Variants in DIAPH2 observed in about 807,000 individuals in gnomAD.
DIAPH2 encodes the protein protein diaphanous homolog 2.
Under a neutral mutation model 92.7 loss-of-function variants are expected in DIAPH2, and 35 were observed. That is an observed-to-expected ratio of 0.38 (90% confidence interval 0.29 to 0.50). The LOEUF (loss-of-function observed/expected upper bound fraction) is 0.50, where lower values mean the gene tolerates loss of function less well. Ranked by LOEUF, DIAPH2 falls within the 20% of genes least tolerant of loss-of-function variation. DIAPH2 has a pLI of 0.94. For missense variants in DIAPH2, 701 were observed against 819.5 expected, an observed-to-expected ratio of 0.86 and a Z score of 1.77; for synonymous variants, 301 against 280.4, an observed-to-expected ratio of 1.07 and a Z score of -0.73.
chrX:96,758,503 A>G (rs779652133), intron 4 of DIAPH2, among the ~76,000 whole-genome samples: 1 of 112,030 alleles, frequency 8.9e-6, no homozygotes, highest in South Asian at 3.7e-4. Flanking sequence ...GAGGTAATCC[A>G]GTCCAGTCCT....
At chrX:96,854,641 A>ATATATATATC (rs2065028439) in intron 4 of DIAPH2, among the ~76,000 whole-genome samples, 1 of 77,710 alleles carries the variant, frequency 1.3e-5, no homozygotes, top group African/African-American at 4.9e-5. Context: ...ATATATATAT[A>ATATATATATC]TCCATCTGAT....
chrX:96,750,118 C>T (rs1005501918), intron 3 of DIAPH2, among the ~76,000 whole-genome samples: 15 of 93,356 alleles, frequency 1.6e-4, no homozygotes, highest in Non-Finnish European at 2.7e-4. Flanking sequence ...AGTGCAGCTG[C>T]GCGATCTCTG....
chrX:97,603,047 C>G lies in DIAPH2; in HGVS notation c.*3730C>G, dbSNP rs779993863. On this transcript the variant is annotated 3_prime_UTR_variant, in exon 27 of 27. Coordinates refer to ENST00000324765, the MANE Select transcript of DIAPH2 (RefSeq NM_006729.5). Reference sequence around the variant, plus strand: ...AGTCAAATAAATCCACAAGTTAATGCCTAACCTCTTCAGCACTAGCCAAAG... The same window carrying G: ...AGTCAAATAAATCCACAAGTTAATGGCTAACCTCTTCAGCACTAGCCAAAG... The G allele has an allele frequency of 1.8e-5, 2 of 110,929 alleles. No homozygotes were observed. The highest frequency in any genetic ancestry group is 1.9e-4 in the Admixed American group (2 of 10,421). The allele number at this position is 110,929 out of a possible 1,213,427, so 9.1% of individuals were successfully genotyped here.
At chrX:97,393,742 CT>C (rs1485669511) in intron 25 of DIAPH2, among the ~76,000 whole-genome samples, 35 of 111,967 alleles carry the variant, frequency 3.1e-4, no homozygotes, top group African/African-American at 1.1e-3. Context: ...AGCAAATTAA[CT>C]GCAAAATCTT....
At chrX:97,324,841 C>T (rs765627319) in intron 23 of DIAPH2, among the ~76,000 whole-genome samples, 4 of 110,798 alleles carry the variant, frequency 3.6e-5, no homozygotes, top group Non-Finnish European at 5.7e-5. Flanking sequence ...TGCTCTATCG[C>T]CCAGGCTGGA....
intron 26 of DIAPH2, among the ~76,000 whole-genome samples, chrX:97,433,204 A>AT (rs200477375): frequency 8.2e-5 from 9 of 109,505 alleles, no homozygotes; most frequent in African/African-American, 1.3e-4. Flanking sequence ...AATTGAAAAT[A>AT]TTTTTTTTTA....
intron 24 of DIAPH2, among the ~76,000 whole-genome samples, chrX:97,367,744 C>T (rs1357266991): frequency 3.8e-5 from 4 of 106,322 alleles, no homozygotes; most frequent in African/African-American, 1.4e-4. Flanking sequence ...CTCTTGTTGC[C>T]CAGGCTGGAG....
At chrX:97,293,605 T>A (rs1045749713) in intron 23 of DIAPH2, among the ~76,000 whole-genome samples, 5 of 111,947 alleles carry the variant, frequency 4.5e-5, no homozygotes, top group African/African-American at 1.6e-4. Flanking sequence ...GGGATTTAGA[T>A]ATTTGAAGGC....
chrX:97,251,686 G>A (rs941086692), intron 23 of DIAPH2, among the ~76,000 whole-genome samples: 1 of 111,785 alleles, frequency 8.9e-6, no homozygotes, highest in African/African-American at 3.2e-5. Context: ...GCCTCCCAAA[G>A]TGCTGGGATT....
intron 9 of DIAPH2, among the ~76,000 whole-genome samples, chrX:96,926,385 C>A (rs1365377688): frequency 9.0e-6 from 1 of 111,475 alleles, no homozygotes; most frequent in African/African-American, 3.3e-5. Context: ...CATTCACTTA[C>A]TATATTTTAA....
chrX:96,980,128 C>T (rs763941786), intron 17 of DIAPH2, among the ~76,000 whole-genome samples: 8 of 111,676 alleles, frequency 7.2e-5, no homozygotes, highest in South Asian at 3.8e-4. Context: ...GGACCCTGTT[C>T]CTTTTCACGA....
At chrX:97,450,054 G>A (rs1047956318) in intron 26 of DIAPH2, among the ~76,000 whole-genome samples, 1 of 110,330 alleles carries the variant, frequency 9.1e-6, no homozygotes, top group African/African-American at 3.3e-5. Flanking sequence ...TCTAGATGAA[G>A]GGTAGTAAAT....
intron 26 of DIAPH2, among the ~76,000 whole-genome samples, chrX:97,487,215 A>C (rs773285238): frequency 2.7e-5 from 3 of 112,379 alleles, no homozygotes; most frequent in Non-Finnish European, 5.6e-5. Flanking sequence ...TGTTGTGAAT[A>C]ATGCTGCAGT....
chrX:96,762,640 G>A (rs946298425), intron 4 of DIAPH2, among the ~76,000 whole-genome samples: 34 of 109,956 alleles, frequency 3.1e-4, no homozygotes, highest in African/African-American at 1.1e-3. Flanking sequence ...CCATAAGAAG[G>A]TGTACTATTT....
At chrX:97,162,877 C>T (rs1286028970) in intron 22 of DIAPH2, among the ~76,000 whole-genome samples, 1 of 110,922 alleles carries the variant, frequency 9.0e-6, no homozygotes, top group Non-Finnish European at 1.9e-5. Context: ...CCCTTTCTTT[C>T]TTCATTTCTT....
intron 22 of DIAPH2, among the ~76,000 whole-genome samples, chrX:97,188,355 T>C (rs5967123): frequency 0.09 from 9,939 of 110,677 alleles, 1,016 homozygotes; most frequent in African/African-American, 0.29. Context: ...AGATATTTCA[T>C]AGAAGAGGTT....
chrX:96,818,307 C>T (rs2064754399), intron 4 of DIAPH2, among the ~76,000 whole-genome samples: 1 of 110,086 alleles, frequency 9.1e-6, no homozygotes, highest in Admixed American at 9.7e-5. Flanking sequence ...CCCAGCATTT[C>T]TTAAATCTCT....
In DIAPH2 at chrX:97,601,511, T is replaced by C. The variant is rs2071595997; in HGVS notation, c.*2194T>C. 9.0e-6 allele frequency: 1 copy of C among 111,614 alleles called. No homozygotes were observed. The highest frequency in any genetic ancestry group is 3.3e-5 in the African/African-American group (1 of 30,633). 9.2% of individuals were successfully genotyped at this position (111,614 alleles called of 1,213,427 possible). On this transcript the variant is annotated 3_prime_UTR_variant, in exon 27 of 27. Coordinates refer to ENST00000324765, the MANE Select transcript of DIAPH2 (RefSeq NM_006729.5). Reference sequence around the variant, plus strand: ...TAGTTGAGTGAGTTAAAAGGTTTGTTTCCCAGATTTGTAATGGTCCTGCTC... The same window carrying C: ...TAGTTGAGTGAGTTAAAAGGTTTGTCTCCCAGATTTGTAATGGTCCTGCTC...
At chrX:97,332,314 A>G (rs1261469730) in intron 23 of DIAPH2, among the ~76,000 whole-genome samples, 1 of 111,791 alleles carries the variant, frequency 8.9e-6, no homozygotes, top group Non-Finnish European at 1.9e-5. Flanking sequence ...ATCATCTTGT[A>G]TATATATAAA....
Sources: allele counts gnomAD v4.1 joint callset (sites outside exome capture counted in the v4.1 genomes callset), GRCh38; gene constraint gnomAD v4.1.1; transcripts MANE v1.5; gene names NCBI Gene and HGNC (gene_info 2026-07-23, HGNC 2026-07-21).